Variants in DDHD2 observed in about 807,000 individuals in gnomAD.
The protein encoded by DDHD2 is DDHD domain containing 2, also known as triacylglycerol hydrolase DDHD2.
A neutral mutation model predicts 91.2 loss-of-function variants in DDHD2; 62 were observed. That is an observed-to-expected ratio of 0.68 (90% CI 0.55 to 0.84). The LOEUF (loss-of-function observed/expected upper bound fraction) is 0.84, where lower values mean the gene tolerates loss of function less well. DDHD2 is among the 40% of genes least tolerant of loss of function. The pLI is 0.00. For synonymous variants in DDHD2, 271 were observed against 293.9 expected, an observed-to-expected ratio of 0.92 and a Z score of 0.80; for missense variants, 740 against 846.9, an observed-to-expected ratio of 0.87 and a Z score of 1.57.
intron 16 of DDHD2, among the ~76,000 whole-genome samples, chr8:38,257,887 C>T (rs1351271548): frequency 6.6e-6 from 1 of 151,960 alleles, no homozygotes; most frequent in Non-Finnish European, 1.5e-5. Flanking sequence ...TGGTCTCAAA[C>T]TCCTGACCTC....
At chr8:38,264,849 C>T, downstream of DDHD2, 3 of 1,599,230 alleles carry the variant, frequency 1.9e-6, no homozygotes, top group Non-Finnish European at 2.6e-6. Context: ...GTATAATAAG[C>T]TTTGTTCAGA....
In DDHD2 at chr8:38,262,735, T is replaced by C. The variant is rs1404402467; in HGVS notation, c.*2162T>C. The C allele has an allele frequency of 1.3e-5, 2 of 152,202 alleles. No individual in the cohort carries two copies. Among genetic ancestry groups the C allele is most frequent in the African/African-American group, 4.8e-5 (2 of 41,464 alleles). 9.4% of individuals were successfully genotyped at this position (152,202 alleles called of 1,614,324 possible). ...AATGTTTGTTTTCTACGTGATTATATTTAAAACTTTAGTAAATACTAACAT... is the reference window on the plus strand; with the variant it reads ...AATGTTTGTTTTCTACGTGATTATACTTAAAACTTTAGTAAATACTAACAT... On this transcript the variant is annotated 3_prime_UTR_variant, in exon 18 of 18. Transcript: ENST00000397166.
chr8:38,242,347 C>T lies in DDHD2; in HGVS notation c.810C>T (p.Val270=), dbSNP rs1563303435. Residue 270 remains valine (V), a synonymous_variant, in exon 7 of 18, where the codon GTC becomes GTT. Transcript: ENST00000397166. The stretch of plus-strand genomic sequence containing the variant: ...TTGGGAGGGTAGAATTTCTTCCAGT[C>T]AACTGGCACAGTCCTTTGCATTCTA... ...QQIGRVEFLP[V]NWHSPLHSTG... is the part of the protein sequence containing the mutation. The T allele has an allele frequency of 1.2e-6, 2 of 1,611,040 alleles. No individual in the cohort carries two copies. Among genetic ancestry groups the T allele is most frequent in the Non-Finnish European group, 1.7e-6 (2 of 1,179,086 alleles).
At chr8:38,269,035 C>G (rs1808241855) in intron 1 of DDHD2, 2 of 1,533,248 alleles carry the variant, frequency 1.3e-6, no homozygotes, top group Non-Finnish European at 1.7e-6. Context: ...CTGGCTTCCT[C>G]CCCGCTTCCC....
chr8:38,234,491 G>A lies in DDHD2; in HGVS notation c.318G>A (p.Leu106=). The A allele has an allele frequency of 6.2e-7, 1 of 1,613,370 alleles. No homozygotes were observed. Among genetic ancestry groups the A allele is most frequent in the Non-Finnish European group, 8.5e-7 (1 of 1,179,866 alleles). ...RMRYAVYWDE[L]ASEVRRCTWF... ...GGTATGCTGTATACTGGGATGAACT[G>A]GCATCGGAAGTGAGACGATGTACGT... is the stretch of plus-strand genomic sequence containing the variant. The change falls in exon 3 of 18, where the codon CTG becomes CTA. Residue 106 remains leucine (L), a synonymous_variant. Coordinates refer to ENST00000397166, the MANE Select transcript of DDHD2 (RefSeq NM_015214.3).
At chr8:38,232,959 T>C (rs748593776) in intron 1 of DDHD2, 28 bp from the exon 2 acceptor site, 1 of 1,585,330 alleles carries the variant, frequency 6.3e-7, no homozygotes. Flanking sequence ...TTAAGTTCGT[T>C]TTCCTGATAG....
At chr8:38,268,966 G>A (rs1182320337) in intron 1 of DDHD2, 1 of 1,568,782 alleles carries the variant, frequency 6.4e-7, no homozygotes, top group East Asian at 2.4e-5. Flanking sequence ...TGAGTCTCTG[G>A]AACGGGGGGA....
chr8:38,238,057 TA>T (rs1804943605), intron 4 of DDHD2, 31 bp from the exon 5 acceptor site: 4 of 1,560,844 alleles, frequency 2.6e-6, no homozygotes, highest in Non-Finnish European at 3.5e-6. Context: ...TATTGCAGAA[TA>T]TTTTTATTGC....
At position 38,251,941 on chromosome 8, in the gene DDHD2, T is replaced by C. The variant is rs1379926187; in HGVS notation, c.1374T>C (p.Ala458=). The C allele has an allele frequency of 6.2e-7, 1 of 1,614,000 alleles. No individual in the cohort carries two copies. The highest frequency in any genetic ancestry group is 8.5e-7 in the Non-Finnish European group (1 of 1,179,882). The change falls in exon 12 of 18, where the codon GCT becomes GCC. Residue 458 remains alanine, a synonymous_variant. Transcript: ENST00000397166. The part of the protein sequence containing the change: ...MGIKRPAPQP[A]SGANIPKESE... ...TTAAGAGACCAGCCCCGCAGCCTGC[T>C]TCAGGGGCAAACATCCCCAAAGAAT...
chr8:38,269,155 GC>G (rs1480742903), intron 1 of DDHD2: 9 of 1,513,154 alleles, frequency 5.9e-6, no homozygotes, highest in Non-Finnish European at 7.9e-6. Context: ...CGAGCCGCAC[GC>G]CCACTTCGGC....
chr8:38,247,658 A>G, intron 9 of DDHD2, 55 bp from the exon 10 acceptor site: 3 of 1,216,004 alleles, frequency 2.5e-6, no homozygotes, highest in Non-Finnish European at 3.4e-6. Flanking sequence ...GCAAAATAGT[A>G]TTAAAGGAAA....
In DDHD2 at chr8:38,238,073, A is replaced by T. The variant is rs542066382; in HGVS notation, c.502-16A>T. 6.3e-6 allele frequency: 10 copies of T among 1,594,672 alleles called. No homozygotes were observed. The South Asian group carries it at 1.1e-4, about 18-fold the overall frequency. On this transcript the variant is annotated splice_polypyrimidine_tract_variant and intron_variant, in intron 4 of 17. Transcript: ENST00000397166. Reference sequence around the variant, plus strand: ...ATTGCAGAATATTTTTATTGCTCTGATCTGTTCTGTTTAAGCTTATGGTGC... The same window carrying T: ...ATTGCAGAATATTTTTATTGCTCTGTTCTGTTCTGTTTAAGCTTATGGTGC...
At chr8:38,272,734 C>T (rs1808512923), downstream of DDHD2, 1 of 152,204 alleles carries the variant, frequency 6.6e-6, no homozygotes, top group Non-Finnish European at 1.5e-5. Flanking sequence ...AAAAACCAGC[C>T]ACTTACACTC....
rs35509320 is a variant in DDHD2 at position 38,257,662 on chromosome 8, A to AT, written c.2055-2358dup. 3.2e-3 allele frequency among the ~76,000 whole-genome samples: 354 copies of AT among 109,362 alleles called. 2 individuals are homozygous for AT. Among genetic ancestry groups the AT allele is most frequent in the East Asian group, 7.4e-3 (26 of 3,504 alleles). The allele number at this position is 109,362 out of a possible 152,430, so 71.7% of individuals were successfully genotyped here. Reference sequence around the variant, plus strand: ...TTTCCAAAAAAATTCTTACCACAGTATTTTTTTTTTTTTTTTTTTTGAGAT... The same window carrying AT: ...TTTCCAAAAAAATTCTTACCACAGTATTTTTTTTTTTTTTTTTTTTTGAGAT... On this transcript the variant is annotated intron_variant, in intron 16 of 17. Transcript: ENST00000397166.
intron 4 of DDHD2, 87 bp downstream of exon 4, chr8:38,237,714 G>A: frequency 1.4e-6 from 1 of 701,952 alleles, no homozygotes; most frequent in East Asian, 3.0e-5. Context: ...TAAGCACTCT[G>A]TGTAGGATAA....
At chr8:38,267,935 A>G (rs760165924) in intron 1 of DDHD2, 4 of 1,614,038 alleles carry the variant, frequency 2.5e-6, no homozygotes, top group Non-Finnish European at 1.7e-6. Flanking sequence ...TAAAGACGCC[A>G]TTCAGAGCCA....
intron 1 of DDHD2, chr8:38,269,076 G>A (rs1305097467): frequency 6.6e-7 from 1 of 1,524,846 alleles, no homozygotes; most frequent in Admixed American, 2.1e-5. Flanking sequence ...CGTGCCGCCC[G>A]CCTGCCTGGG....
chr8:38,267,478 C>A, downstream of DDHD2: 1 of 1,512,112 alleles, frequency 6.6e-7, no homozygotes, highest in South Asian at 1.3e-5. Flanking sequence ...ATCCTGTTAA[C>A]TATTGGTCAA....
intron 1 of DDHD2, chr8:38,270,830 G>C (rs1221581485): frequency 6.6e-6 from 1 of 152,170 alleles, no homozygotes; most frequent in Admixed American, 6.5e-5. Context: ...CCTACTGAAG[G>C]ACAGGCAATT....
Sources: allele counts gnomAD v4.1 joint callset (sites outside exome capture counted in the v4.1 genomes callset), GRCh38; gene constraint gnomAD v4.1.1; transcripts MANE v1.5; gene names NCBI Gene and HGNC (gene_info 2026-07-23, HGNC 2026-07-21).